The following FAM151B variants were observed in gnomAD, a reference collection of about 807,000 sequenced individuals.
The protein encoded by FAM151B is protein FAM151B.
In FAM151B, 24 loss-of-function variants were observed where a neutral mutation model predicts 31.2. The observed-to-expected ratio is 0.77, with a 90% CI of 0.56 to 1.08. FAM151B has a LOEUF of 1.08. Among genes scored for constraint, FAM151B ranks in the 50% least tolerant of loss-of-function variants. The probability of loss-of-function intolerance (pLI) is 0.00; values close to 1 mark genes in which losing one functional copy is unlikely to be tolerated. For missense variants in FAM151B, 293 were observed against 328.6 expected (o/e 0.89, Z 0.84); for synonymous variants, 105 against 111.4 (o/e 0.94, Z 0.36).
chr5:80,541,435 C>T (rs971057694), intron 5 of FAM151B, among the ~76,000 whole-genome samples: 13 of 152,160 alleles, frequency 8.5e-5, no homozygotes, highest in African/African-American at 3.1e-4. Flanking sequence ...TTTAACAGTC[C>T]TGCAATTCAG....
At chr5:80,521,945 TTTAA>T in intron 4 of FAM151B, 54 bp from the exon 5 acceptor site, 4 of 1,318,586 alleles carry the variant, frequency 3.0e-6, no homozygotes, top group Non-Finnish European at 3.1e-6. Context: ...TAGTCTTTTA[TTTAA>T]TTGTCTTTCA....
At chr5:80,525,370 C>G (rs141004563) in intron 5 of FAM151B, among the ~76,000 whole-genome samples, 1,928 of 152,274 alleles carry the variant, frequency 0.013, 51 homozygotes, top group African/African-American at 0.045. Flanking sequence ...AACTGCTGAT[C>G]CCTTTTTGCT....
chr5:80,518,925 T>G (rs2112638361), intron 3 of FAM151B: 1 of 152,258 alleles, frequency 6.6e-6, no homozygotes, highest in South Asian at 2.1e-4. Context: ...TGATATTCAC[T>G]ACAAGGTAAT....
At chr5:80,508,632 G>T (rs1744071763) in intron 2 of FAM151B, among the ~76,000 whole-genome samples, 1 of 152,084 alleles carries the variant, frequency 6.6e-6, no homozygotes, top group Admixed American at 6.5e-5. Context: ...GGAGCCCACA[G>T]ACCTCTTTTC....
chr5:80,505,435 C>T (rs1236868515), intron 2 of FAM151B, among the ~76,000 whole-genome samples: 20 of 151,078 alleles, frequency 1.3e-4, no homozygotes, highest in Admixed American at 1.3e-3. Flanking sequence ...CACTCTGTCA[C>T]CCAGGCTGGA....
intron 2 of FAM151B, among the ~76,000 whole-genome samples, chr5:80,508,687 C>T (rs1206820167): frequency 6.6e-6 from 1 of 152,098 alleles, no homozygotes; most frequent in Admixed American, 6.5e-5. Flanking sequence ...AGTTATATCT[C>T]CCTTAAAAAT....
At chr5:80,500,101 T>C (rs1016611993) in intron 1 of FAM151B, 8 of 260,770 alleles carry the variant, frequency 3.1e-5, no homozygotes, top group African/African-American at 1.8e-4. Flanking sequence ...ATTTTCCACA[T>C]CATGGATGAG....
chr5:80,506,930 C>A (rs1010671852), intron 2 of FAM151B, among the ~76,000 whole-genome samples: 6 of 151,644 alleles, frequency 4.0e-5, no homozygotes, highest in Non-Finnish European at 8.8e-5. Flanking sequence ...ACCAGCCTGG[C>A]CAACATGGTG....
intron 5 of FAM151B, among the ~76,000 whole-genome samples, chr5:80,529,452 G>T (rs1422434222): frequency 1.3e-5 from 2 of 152,106 alleles, no homozygotes; most frequent in Non-Finnish European, 2.9e-5. Context: ...TCCAGGAGCT[G>T]GTTTTTTGAA....
intron 4 of FAM151B, among the ~76,000 whole-genome samples, chr5:80,521,024 C>T (rs1197125209): frequency 6.6e-6 from 1 of 150,376 alleles, no homozygotes; most frequent in African/African-American, 2.4e-5. Context: ...ACCATGTTGG[C>T]CAGGCTGGTC....
chr5:80,517,497 A>G (rs1441660378), intron 3 of FAM151B, among the ~76,000 whole-genome samples: 1 of 152,180 alleles, frequency 6.6e-6, no homozygotes, highest in Admixed American at 6.5e-5. Context: ...AGTTTTAGAA[A>G]ATAAGAACTA....
At chr5:80,526,036 A>G (rs933580665) in intron 5 of FAM151B, among the ~76,000 whole-genome samples, 1 of 152,116 alleles carries the variant, frequency 6.6e-6, no homozygotes, top group Admixed American at 6.6e-5. Context: ...ATCCCTCAGT[A>G]TACGTGGAGG....
At chr5:80,541,096 G>T (rs1745865421) in intron 5 of FAM151B, among the ~76,000 whole-genome samples, 1 of 152,158 alleles carries the variant, frequency 6.6e-6, no homozygotes, top group Admixed American at 6.5e-5. Flanking sequence ...CATCTATAAT[G>T]AATTTACATA....
intron 1 of FAM151B, among the ~76,000 whole-genome samples, chr5:80,492,555 A>G (rs1307005473): frequency 6.6e-6 from 1 of 152,172 alleles, no homozygotes; most frequent in African/African-American, 2.4e-5. Flanking sequence ...GGGTCTTACT[A>G]TTTCCTGAGA....
At chr5:80,511,896 CA>C (rs1744205516) in intron 2 of FAM151B, among the ~76,000 whole-genome samples, 1 of 152,158 alleles carries the variant, frequency 6.6e-6, no homozygotes, top group Non-Finnish European at 1.5e-5. Context: ...CGTGAGCCAC[CA>C]TGCTTGGCCA....
At chr5:80,511,332 G>A (rs1014897876) in intron 2 of FAM151B, among the ~76,000 whole-genome samples, 2 of 151,300 alleles carry the variant, frequency 1.3e-5, no homozygotes, top group Non-Finnish European at 1.5e-5. Flanking sequence ...AAATTAGCAG[G>A]GTGTGGTGGT....
chr5:80,538,483 T>TTCCTTCCTTCC (rs1450785336), intron 5 of FAM151B, among the ~76,000 whole-genome samples: 1 of 101,024 alleles, frequency 9.9e-6, no homozygotes, highest in Non-Finnish European at 2.0e-5. Flanking sequence ...TCTTTCTTTC[T>TTCCTTCCTTCC]TTCCTTCCTT....
In FAM151B at chr5:80,541,679, CCTGA is replaced by C; in HGVS notation, c.681_684del (p.Thr228PhefsTer71). On this transcript the variant is annotated frameshift_variant, in exon 6 of 6. Coordinates refer to ENST00000282226, the MANE Select transcript of FAM151B (RefSeq NM_205548.3). LOFTEE classifies it high-confidence loss of function. The stretch of plus-strand genomic sequence containing the variant: ...CTGTTTTATTTCAATGCAGGTACAG[CCTGA>C]CTATTTGGACTGGAAAAAATGATAA... 3 of 1,613,314 alleles carry C rather than the reference CCTGA, an allele frequency of 1.9e-6. No homozygotes were observed. Among genetic ancestry groups the C allele is most frequent in the Non-Finnish European group, 2.5e-6 (3 of 1,179,588 alleles).
intron 5 of FAM151B, among the ~76,000 whole-genome samples, chr5:80,538,448 C>CTTTCTTTCTT (rs1235874356): frequency 1.6e-4 from 8 of 49,356 alleles, no homozygotes; most frequent in African/African-American, 7.9e-4. Context: ...TTCTTTCTTT[C>CTTTCTTTCTT]TCTTTCTTTC....
Sources: allele counts gnomAD v4.1 joint callset (sites outside exome capture counted in the v4.1 genomes callset), GRCh38; gene constraint gnomAD v4.1.1; transcripts MANE v1.5; gene names NCBI Gene and HGNC (gene_info 2026-07-23, HGNC 2026-07-21).